COL14A1: variants seen among roughly 807,000 people sequenced by gnomAD.
COL14A1 encodes the protein collagen type XIV alpha 1 chain, also known as collagen alpha-1(XIV) chain.
In COL14A1, 136 loss-of-function variants were observed where a neutral mutation model predicts 230.3. The ratio of observed to expected loss-of-function variants is 0.59; its 90% CI spans 0.51 to 0.68. The LOEUF is 0.68. Ranked by LOEUF, COL14A1 falls within the 30% of genes least tolerant of loss-of-function variation. COL14A1 has a pLI of 0.00. For synonymous variants in COL14A1, 792 were observed against 784.1 expected (o/e 1.01, Z -0.17); for missense variants, 1,976 against 2,215.8 (o/e 0.89, Z 2.17).
intron 45 of COL14A1, among the ~76,000 whole-genome samples, chr8:120,366,523 T>C (rs527482178): frequency 6.6e-6 from 1 of 152,336 alleles, no homozygotes; most frequent in Non-Finnish European, 1.5e-5. Flanking sequence ...AGGACCTGTT[T>C]AGATAATGAG....
rs1224058004 is a variant in COL14A1 at position 120,248,979 on chromosome 8, A to G, written c.2602+1244A>G. 7.3e-4 allele frequency among the ~76,000 whole-genome samples: 86 copies of G among 118,296 alleles called. 3 individuals are homozygous for G. Among genetic ancestry groups the G allele is most frequent in the Non-Finnish European group, 1.6e-4 (10 of 62,934 alleles). 77.6% of individuals were successfully genotyped at this position (118,296 alleles called of 152,430 possible). ...CTCGCTCTGTCACCCAGGCTGGAGT[A>G]CAGTGGCGCAGCCTCGGCTCACTGC... On this transcript the variant is annotated intron_variant, in intron 21 of 47. Coordinates refer to ENST00000297848, the MANE Select transcript of COL14A1 (RefSeq NM_021110.4).
At chr8:120,239,853 T>C (rs1047260148) in intron 19 of COL14A1, among the ~76,000 whole-genome samples, 34 of 151,370 alleles carry the variant, frequency 2.2e-4, no homozygotes, top group African/African-American at 7.8e-4. Context: ...GTTTGTTTGC[T>C]TTTTGTTTTT....
chr8:120,368,579 C>G (rs1823483376), intron 46 of COL14A1, among the ~76,000 whole-genome samples: 1 of 146,130 alleles, frequency 6.8e-6, no homozygotes, highest in Non-Finnish European at 1.5e-5. Flanking sequence ...ACTGTTGGAA[C>G]CCGGACCTAA....
At chr8:120,172,095 A>T (rs771646372) in intron 5 of COL14A1, among the ~76,000 whole-genome samples, 3 of 152,020 alleles carry the variant, frequency 2.0e-5, no homozygotes, top group Non-Finnish European at 4.4e-5. Flanking sequence ...TGATCATTTT[A>T]TATTCTGAAT....
intron 22 of COL14A1, among the ~76,000 whole-genome samples, chr8:120,252,461 A>G (rs1233759283): frequency 6.6e-6 from 1 of 152,224 alleles, no homozygotes; most frequent in East Asian, 1.9e-4. Flanking sequence ...GTTTGGCTGT[A>G]TGCTAGTCTA....
intron 26 of COL14A1, among the ~76,000 whole-genome samples, chr8:120,277,226 G>A (rs1437502350): frequency 2.0e-5 from 3 of 152,138 alleles, no homozygotes; most frequent in African/African-American, 7.2e-5. Flanking sequence ...TGATGTGCAA[G>A]TAACTTGTCT....
In COL14A1 at chr8:120,255,312, A is replaced by G. The variant is rs199656298; in HGVS notation, c.2825A>G (p.His942Arg). Residue 942 changes from histidine (H) to arginine (R), a missense_variant, in exon 23 of 48, where the codon CAT (histidine) becomes CGT (arginine). This residue lies in a region of COL14A1 where 1,791 missense variants were observed against 2,019.5 expected (regional missense o/e 0.89). Transcript: ENST00000297848. ...MTSLCAHWQV[H>R]RHATAYRVVI... The stretch of plus-strand genomic sequence containing the variant: ...AGCTTGTGTGCCCACTGGCAGGTAC[A>G]TCGCCATGCCACAGCCTATAGGGTT... 2 of 1,614,196 alleles carry G rather than the reference A, an allele frequency of 1.2e-6. No homozygotes were observed. Among genetic ancestry groups the G allele is most frequent in the Non-Finnish European group, 8.5e-7 (1 of 1,180,000 alleles).
At chr8:120,136,012 C>T (rs527644139) in intron 1 of COL14A1, among the ~76,000 whole-genome samples, 39 of 151,802 alleles carry the variant, frequency 2.6e-4, no homozygotes, top group Non-Finnish European at 3.4e-4. Context: ...TTGGTAGATT[C>T]CTTAGAATTT....
At chr8:120,265,864 C>G (rs1051019362) in intron 24 of COL14A1, among the ~76,000 whole-genome samples, 4 of 151,950 alleles carry the variant, frequency 2.6e-5, no homozygotes, top group Non-Finnish European at 5.9e-5. Flanking sequence ...CACCTCTTAG[C>G]CTTCCTGACA....
At chr8:120,305,853 G>C (rs976088702) in intron 36 of COL14A1, among the ~76,000 whole-genome samples, 7 of 152,030 alleles carry the variant, frequency 4.6e-5, no homozygotes, top group African/African-American at 1.7e-4. Context: ...TAACCCAGAA[G>C]TTTCTACCAG....
intron 4 of COL14A1, among the ~76,000 whole-genome samples, chr8:120,165,983 A>G (rs1044684483): frequency 3.3e-5 from 5 of 152,116 alleles, no homozygotes; most frequent in Non-Finnish European, 7.4e-5. Context: ...GAGTTCCAGG[A>G]GGTCACACTG....
chr8:120,350,075 C>T (rs1254657441), intron 45 of COL14A1, among the ~76,000 whole-genome samples: 1 of 148,558 alleles, frequency 6.7e-6, no homozygotes, highest in African/African-American at 2.5e-5. Context: ...GAGTGGGGGC[C>T]AATATTCAAC....
At chr8:120,301,973 T>A (rs185507316) in intron 36 of COL14A1, among the ~76,000 whole-genome samples, 1 of 152,342 alleles carries the variant, frequency 6.6e-6, no homozygotes, top group East Asian at 1.9e-4. Flanking sequence ...GAGCTTTTTT[T>A]CATATGCTTT....
At chr8:120,281,492 G>C (rs904746008) in intron 31 of COL14A1, among the ~76,000 whole-genome samples, 3 of 151,688 alleles carry the variant, frequency 2.0e-5, no homozygotes. Flanking sequence ...TTGAGCTCAG[G>C]AGGTTGAAGC....
At chr8:120,185,225 T>G (rs1041939211) in intron 5 of COL14A1, among the ~76,000 whole-genome samples, 8 of 152,178 alleles carry the variant, frequency 5.3e-5, no homozygotes, top group Non-Finnish European at 1.0e-4. Flanking sequence ...TTGCTGCACA[T>G]CCCCTACATG....
At chr8:120,322,288 G>A (rs1226594398) in intron 40 of COL14A1, among the ~76,000 whole-genome samples, 4 of 151,982 alleles carry the variant, frequency 2.6e-5, no homozygotes, top group Admixed American at 2.0e-4. Flanking sequence ...TTGATACCTC[G>A]GTGACAGGTT....
intron 7 of COL14A1, among the ~76,000 whole-genome samples, chr8:120,198,681 G>A (rs974457360): frequency 2.0e-5 from 3 of 152,136 alleles, no homozygotes; most frequent in African/African-American, 7.2e-5. Flanking sequence ...AATCCAAAAC[G>A]ATTCTGGTCT....
chr8:120,300,658 G>C (rs561720458), intron 35 of COL14A1, 74 bp from the exon 36 acceptor site: 5 of 1,094,726 alleles, frequency 4.6e-6, no homozygotes, highest in East Asian at 2.4e-5. Context: ...AAATCAAACT[G>C]TTTTCTTTGA....
rs751541140 is a variant in COL14A1 at position 120,369,536 on chromosome 8, T to C, written c.5311+51T>C. 6.3e-6 allele frequency: 9 copies of C among 1,439,112 alleles called. 1 individual carries two copies. The South Asian group carries it at 1.4e-4, about 22-fold the overall frequency. 89.1% of individuals were successfully genotyped at this position (1,439,112 alleles called of 1,614,324 possible). Reference sequence around the variant, plus strand: ...GTGGGCTTTGATCAATGTTTTAGTATGCTTAGTACCAAAATGGGAAGATAG... The same window carrying C: ...GTGGGCTTTGATCAATGTTTTAGTACGCTTAGTACCAAAATGGGAAGATAG... On this transcript the variant is annotated intron_variant, in intron 47 of 47. Coordinates refer to ENST00000297848, the MANE Select transcript of COL14A1 (RefSeq NM_021110.4).
Sources: gnomAD v4.1 joint callset for allele counts (sites outside exome capture counted in the v4.1 genomes callset) on GRCh38, gnomAD v4.1.1 for gene constraint, gnomAD v4.1.1 regional missense constraint, MANE v1.5 for transcripts, NCBI Gene and HGNC (gene_info 2026-07-23, HGNC 2026-07-21) for gene names.